The following AGMO variants were observed in gnomAD, a reference collection of about 807,000 sequenced individuals.
AGMO encodes glyceryl-ether monooxygenase.
In AGMO, 75 loss-of-function variants were observed where a neutral mutation model predicts 60.2. The ratio of observed to expected loss-of-function variants is 1.25; its 90% CI spans 1.03 to 1.51. AGMO has a LOEUF of 1.51. AGMO is among the 40% of genes most tolerant of loss of function. The pLI, the probability that AGMO is intolerant of heterozygous loss-of-function variation, is 0.00. For synonymous variants in AGMO, 261 were observed against 177.1 expected, an observed-to-expected ratio of 1.47 and a Z score of -3.76; for missense variants, 763 against 525.5, an observed-to-expected ratio of 1.45 and a Z score of -4.42.
chr7:15,296,490 C>T (rs1172020227), intron 12 of AGMO, among the ~76,000 whole-genome samples: 1 of 152,180 alleles, frequency 6.6e-6, no homozygotes, highest in Non-Finnish European at 1.5e-5. Flanking sequence ...GCTAAATTCC[C>T]TTGCTCACAG....
Position 15,354,444 on chromosome 7 carries a change from A to ATG in AGMO, c.1263+11069_1263+11070insCA, listed in dbSNP as rs1563105616. Reference sequence around the variant, plus strand: ...TATACACACACGTGTGTGTATACACACGTGTGTGTATACACACGTGTGTGT... The same window carrying ATG: ...TATACACACACGTGTGTGTATACACATGCGTGTGTGTATACACACGTGTGTGT... On this transcript the variant is annotated intron_variant, in intron 12 of 12. Coordinates refer to ENST00000342526, the MANE Select transcript of AGMO (RefSeq NM_001004320.2). 6.5e-3 allele frequency among the ~76,000 whole-genome samples: 105 copies of ATG among 16,144 alleles called. 11 individuals carry two copies. Among genetic ancestry groups the ATG allele is most frequent in the Non-Finnish European group, 7.7e-3 (84 of 10,932 alleles). 10.6% of individuals were successfully genotyped at this position (16,144 alleles called of 152,430 possible). A position where few individuals can be genotyped will look rare whatever the true frequency, so the allele number is the denominator to read the frequency against.
chr7:15,352,335 A>AT (rs1782272000), intron 12 of AGMO, among the ~76,000 whole-genome samples: 1 of 152,060 alleles, frequency 6.6e-6, no homozygotes, highest in Non-Finnish European at 1.5e-5. Flanking sequence ...TCCTTCTCAG[A>AT]TTTTACCGCC....
chr7:15,488,991 A>T (rs747282650), intron 3 of AGMO, among the ~76,000 whole-genome samples: 1 of 152,200 alleles, frequency 6.6e-6, no homozygotes, highest in Non-Finnish European at 1.5e-5. Flanking sequence ...ACGATGTGAC[A>T]TATCAGTTTA....
intron 10 of AGMO, among the ~76,000 whole-genome samples, chr7:15,368,386 G>T (rs1490194122): frequency 6.6e-6 from 1 of 152,020 alleles, no homozygotes; most frequent in African/African-American, 2.4e-5. Context: ...GCTTCATTGT[G>T]GTTTTGGCGG....
chr7:15,126,418 C>T, the AGMO span, among the ~76,000 whole-genome samples: 3 of 152,080 alleles, frequency 2.0e-5, no homozygotes, highest in Non-Finnish European at 2.9e-5. Flanking sequence ...TTGCCCCTTA[C>T]TGTGCTCTAT....
intron 3 of AGMO, among the ~76,000 whole-genome samples, chr7:15,435,791 T>C (rs1488073886): frequency 1.3e-5 from 2 of 152,184 alleles, no homozygotes; most frequent in Non-Finnish European, 2.9e-5. Flanking sequence ...TGGAGAAATT[T>C]TTCAGAAAAA....
chr7:15,158,218 G>T, the AGMO span, among the ~76,000 whole-genome samples: 1 of 152,078 alleles, frequency 6.6e-6, no homozygotes. Flanking sequence ...ACTTGGCTCT[G>T]TTACTAGGTT....
the AGMO span, among the ~76,000 whole-genome samples, chr7:15,149,094 T>C: frequency 3.2e-4 from 49 of 152,334 alleles, no homozygotes; most frequent in Middle Eastern, 3.4e-3. Flanking sequence ...TTATTTCATA[T>C]GCATTTTCCA....
chr7:15,531,746 C>T (rs572153441), intron 3 of AGMO, among the ~76,000 whole-genome samples: 1 of 149,584 alleles, frequency 6.7e-6, no homozygotes, highest in Non-Finnish European at 1.5e-5. Flanking sequence ...TGGCTCCCCA[C>T]CTTGCTGCTG....
At chr7:15,285,740 A>C (rs1784081826) in intron 12 of AGMO, among the ~76,000 whole-genome samples, 1 of 151,984 alleles carries the variant, frequency 6.6e-6, no homozygotes, top group Non-Finnish European at 1.5e-5. Context: ...TCTGTGGATT[A>C]CAAAAATAAC....
intron 12 of AGMO, among the ~76,000 whole-genome samples, chr7:15,281,697 A>G (rs1783971186): frequency 6.6e-6 from 1 of 152,296 alleles, no homozygotes; most frequent in African/African-American, 2.4e-5. Flanking sequence ...CCATTGATGG[A>G]CACCTGCTTT....
At chr7:15,561,182 T>C (rs1371603709) in intron 1 of AGMO, among the ~76,000 whole-genome samples, 1 of 152,182 alleles carries the variant, frequency 6.6e-6, no homozygotes, top group East Asian at 1.9e-4. Flanking sequence ...CTTCCAATCA[T>C]AGCCAGGAAC....
chr7:15,258,402 A>T (rs1312211563), intron 12 of AGMO, among the ~76,000 whole-genome samples: 1 of 151,688 alleles, frequency 6.6e-6, no homozygotes, highest in African/African-American at 2.4e-5. Context: ...AAAAATACTG[A>T]TTCGTGGTGG....
chr7:15,177,865 G>A, the AGMO span, among the ~76,000 whole-genome samples: 1 of 152,038 alleles, frequency 6.6e-6, no homozygotes, highest in East Asian at 1.9e-4. Flanking sequence ...AATAAAGAGT[G>A]TTTACTACAT....
chr7:15,339,472 A>G (rs1781764360), intron 12 of AGMO, among the ~76,000 whole-genome samples: 1 of 152,208 alleles, frequency 6.6e-6, no homozygotes, highest in Admixed American at 6.5e-5. Flanking sequence ...CAAAATCCAA[A>G]CATAATTTTA....
the AGMO span, among the ~76,000 whole-genome samples, chr7:15,121,347 T>C: frequency 2.6e-5 from 4 of 152,110 alleles, no homozygotes; most frequent in African/African-American, 9.7e-5. Context: ...AGTGATGGGA[T>C]TGCTGGGTCA....
chr7:15,464,416 T>A lies in AGMO; in HGVS notation c.410-33308A>T, dbSNP rs575257278. Among the ~76,000 whole-genome samples the A allele has an allele frequency of 3.9e-5, 6 of 152,326 alleles. No homozygotes were observed. In the South Asian group the frequency reaches 1.2e-3, roughly 32 times the overall value. ...AAACTAATCTCCAGCATGCTGCATG[T>A]GACATGGTATATCTGGAAATAAAAA... On this transcript the variant is annotated intron_variant, in intron 3 of 12. Transcript: ENST00000342526.
intron 12 of AGMO, among the ~76,000 whole-genome samples, chr7:15,263,962 G>T (rs2128510562): frequency 6.6e-6 from 1 of 152,062 alleles, no homozygotes; most frequent in South Asian, 2.1e-4. Context: ...TGGCTACAGA[G>T]TACACTGCTT....
At chr7:15,372,978 T>G (rs1783278469) in intron 10 of AGMO, among the ~76,000 whole-genome samples, 1 of 152,036 alleles carries the variant, frequency 6.6e-6, no homozygotes, top group Non-Finnish European at 1.5e-5. Context: ...ATCTGTCAAG[T>G]TTCACTACTG....
Sources: allele counts gnomAD v4.1 joint callset (sites outside exome capture counted in the v4.1 genomes callset), GRCh38; gene constraint gnomAD v4.1.1; transcripts MANE v1.5; gene names NCBI Gene and HGNC (gene_info 2026-07-23, HGNC 2026-07-21).